PPP2R2D: variants seen among roughly 807,000 people sequenced by gnomAD.
PPP2R2D encodes serine/threonine-protein phosphatase 2A 55 kDa regulatory subunit B delta isoform.
In PPP2R2D, 9 loss-of-function variants were observed where a neutral mutation model predicts 31.1. The ratio of observed to expected loss-of-function variants is 0.29; its 90% CI spans 0.17 to 0.51. The LOEUF is 0.51. PPP2R2D is among the 20% of genes least tolerant of loss of function. PPP2R2D has a pLI of 0.98. For missense variants in PPP2R2D, 391 were observed against 465.6 expected, an observed-to-expected ratio of 0.84 and a Z score of 1.48; for synonymous variants, 179 against 172.6, an observed-to-expected ratio of 1.04 and a Z score of -0.29.
intron 2 of PPP2R2D, among the ~76,000 whole-genome samples, chr10:131,922,343 A>G (rs530380340): frequency 1.3e-5 from 2 of 152,350 alleles, no homozygotes; most frequent in African/African-American, 4.8e-5. Flanking sequence ...CTCATCACAA[A>G]AAGGAGTTAT....
chr10:131,957,391 C>A lies in PPP2R2D; in HGVS notation c.*1428C>A. ...GAGATGGAGGTGTGTGCTGCTCCCT[C>A]GTGCCCCTGTGGAGATGGAGGTGTG... is the stretch of plus-strand genomic sequence containing the variant. On this transcript the variant is annotated 3_prime_UTR_variant, in exon 9 of 9. Coordinates refer to ENST00000455566, the MANE Select transcript of PPP2R2D (RefSeq NM_018461.5). 1 of 208,526 alleles carries A rather than the reference C, an allele frequency of 4.8e-6. No individual in the cohort carries two copies. Among genetic ancestry groups the A allele is most frequent in the South Asian group, 5.6e-5 (1 of 17,866 alleles). 12.9% of individuals were successfully genotyped at this position (208,526 alleles called of 1,614,324 possible). A position where few individuals can be genotyped will look rare whatever the true frequency, so the allele number is the denominator to read the frequency against.
At chr10:131,948,256 T>C (rs556658603) in intron 8 of PPP2R2D, among the ~76,000 whole-genome samples, 1 of 152,308 alleles carries the variant, frequency 6.6e-6, no homozygotes, top group East Asian at 1.9e-4. Flanking sequence ...ACCAATGTAA[T>C]TTATAATGTG....
At chr10:131,941,738 T>C (rs2036445740) in intron 5 of PPP2R2D, among the ~76,000 whole-genome samples, 1 of 152,154 alleles carries the variant, frequency 6.6e-6, no homozygotes, top group Non-Finnish European at 1.5e-5. Context: ...GGGAGTGATG[T>C]TGGGTCTGTT....
intron 8 of PPP2R2D, among the ~76,000 whole-genome samples, chr10:131,949,788 C>G (rs2036607183): frequency 8.0e-6 from 1 of 124,740 alleles, no homozygotes; most frequent in Non-Finnish European, 1.7e-5. Flanking sequence ...CAGAGAACAT[C>G]TAGAAATGAC....
At chr10:131,932,582 A>G (rs2119819706) in intron 2 of PPP2R2D, among the ~76,000 whole-genome samples, 1 of 140,706 alleles carries the variant, frequency 7.1e-6, no homozygotes, top group Admixed American at 8.0e-5. Context: ...CATGAGAATC[A>G]CTTGCACCCT....
rs79200198 is a variant in PPP2R2D at position 131,915,139 on chromosome 10, G to C, written c.100+13809G>C. Among the ~76,000 whole-genome samples the C allele has an allele frequency of 7.6e-4, 115 of 151,654 alleles. 1 individual carries two copies. In the East Asian group the frequency reaches 0.021, roughly 27 times the overall value. ...CTGTTCCAGAATCTAGAATGGCGAA[G>C]TAGTATCCCTAAAAGAGTATTCATT... On this transcript the variant is annotated intron_variant, in intron 2 of 8. Coordinates refer to ENST00000455566, the MANE Select transcript of PPP2R2D (RefSeq NM_018461.5).
chr10:131,920,347 C>A (rs2035955528), intron 2 of PPP2R2D, among the ~76,000 whole-genome samples: 1 of 136,844 alleles, frequency 7.3e-6, no homozygotes, highest in Non-Finnish European at 1.5e-5. Context: ...AGTGTAGGGA[C>A]CTCAGGCAGG....
chr10:131,947,798 C>A lies in PPP2R2D; in HGVS notation c.1082+7C>A. On this transcript the variant is annotated splice_region_variant and intron_variant, in intron 8 of 8. Coordinates refer to ENST00000455566, the MANE Select transcript of PPP2R2D (RefSeq NM_018461.5). The surrounding 1 kb of genome is among the most constrained non-coding windows in gnomAD (Gnocchi z 4.3). ...GCTGGAACGGTTCGGATAGGTAAGG[C>A]CTGCGTGGAGATGAGCTGTCGCCCC... The A allele has an allele frequency of 6.2e-7, 1 of 1,608,932 alleles. No homozygotes were observed. The highest frequency in any genetic ancestry group is 1.3e-5 in the African/African-American group (1 of 74,966).
At position 131,959,801 on chromosome 10, in the gene PPP2R2D, A is replaced by C. The variant is rs2036898184; in HGVS notation, c.*3838A>C. ...ATATATTTGTTCAACTATTTTGACC[A>C]AAAAGTTCAATAAATTTTAAATGTT... On this transcript the variant is annotated 3_prime_UTR_variant, in exon 9 of 9. Transcript: ENST00000455566. The C allele has an allele frequency of 6.6e-6, 1 of 152,236 alleles. No individual in the cohort carries two copies. Among genetic ancestry groups the C allele is most frequent in the Non-Finnish European group, 1.5e-5 (1 of 68,048 alleles). 9.4% of individuals were successfully genotyped at this position (152,236 alleles called of 1,614,324 possible). A position where few individuals can be genotyped will look rare whatever the true frequency, so the allele number is the denominator to read the frequency against.
chr10:131,951,915 A>T lies in PPP2R2D; in HGVS notation c.1083-3769A>T, dbSNP rs553609561. On this transcript the variant is annotated intron_variant, in intron 8 of 8. Transcript: ENST00000455566. ...AGTGAGGACCCCAACTGGGGATGGGATAGGAGACCATCTTTCTTTCCAGAG... is the reference window on the plus strand; with the variant it reads ...AGTGAGGACCCCAACTGGGGATGGGTTAGGAGACCATCTTTCTTTCCAGAG... Among the ~76,000 whole-genome samples, 404 of 152,348 alleles carry T rather than the reference A, an allele frequency of 2.7e-3. 5 individuals carry two copies. The highest frequency in any genetic ancestry group is 9.2e-3 in the African/African-American group (381 of 41,588).
the PPP2R2D span, chr10:131,966,795 C>T: frequency 6.6e-6 from 1 of 152,196 alleles, no homozygotes; most frequent in Non-Finnish European, 1.5e-5. Flanking sequence ...TGTGATCCTC[C>T]TACCTCAGCC....
At chr10:131,946,471 G>A (rs67888563) in intron 7 of PPP2R2D, among the ~76,000 whole-genome samples, 16,628 of 152,168 alleles carry the variant, frequency 0.11, 989 homozygotes, top group Non-Finnish European at 0.14. Flanking sequence ...ATGTGCCCAT[G>A]GACCGTGTGC....
intron 2 of PPP2R2D, among the ~76,000 whole-genome samples, chr10:131,925,746 G>T (rs556017679): frequency 1.3e-5 from 2 of 152,066 alleles, no homozygotes; most frequent in African/African-American, 2.4e-5. Context: ...TTAGGCATGC[G>T]GATACATTGA....
intron 2 of PPP2R2D, among the ~76,000 whole-genome samples, chr10:131,928,427 C>T (rs1554895231): frequency 6.6e-6 from 1 of 152,210 alleles, no homozygotes; most frequent in Non-Finnish European, 1.5e-5. Context: ...TGTCAGGGAT[C>T]CCTTTTGTTT....
intron 2 of PPP2R2D, among the ~76,000 whole-genome samples, chr10:131,921,128 G>C (rs1554894189): frequency 6.6e-6 from 1 of 152,204 alleles, no homozygotes; most frequent in Non-Finnish European, 1.5e-5. Flanking sequence ...TCAGAGTGAT[G>C]ATCGTTTCTG....
chr10:131,929,425 A>T (rs1399597167), intron 2 of PPP2R2D, among the ~76,000 whole-genome samples: 1 of 152,172 alleles, frequency 6.6e-6, no homozygotes, highest in Non-Finnish European at 1.5e-5. Flanking sequence ...AGCCACTCAG[A>T]TGTAGGAGCA....
At position 131,958,502 on chromosome 10, in the gene PPP2R2D, G is replaced by A. The variant is rs868974973; in HGVS notation, c.*2539G>A. On this transcript the variant is annotated 3_prime_UTR_variant, in exon 9 of 9. Coordinates refer to ENST00000455566, the MANE Select transcript of PPP2R2D (RefSeq NM_018461.5). ...AGATGAAGGGGTATGCTGATCCCCC[G>A]TCCCCCTGTGGAGATGAAGGTGTGT... 396 of 136,068 alleles carry A rather than the reference G, an allele frequency of 2.9e-3. 1 individual carries two copies. Among genetic ancestry groups the A allele is most frequent in the African/African-American group, 7.9e-3 (233 of 29,402 alleles). 8.4% of individuals were successfully genotyped at this position (136,068 alleles called of 1,614,324 possible). A position where few individuals can be genotyped will look rare whatever the true frequency, so the allele number is the denominator to read the frequency against.
downstream of PPP2R2D, among the ~76,000 whole-genome samples, chr10:131,960,572 C>T (rs1165914290): frequency 6.6e-6 from 1 of 152,124 alleles, no homozygotes; most frequent in Non-Finnish European, 1.5e-5. Context: ...CAAATCATCA[C>T]CATCAGTGCC....
the PPP2R2D span, among the ~76,000 whole-genome samples, chr10:131,965,955 T>C: frequency 4.0e-3 from 617 of 152,352 alleles, 5 homozygotes; most frequent in African/African-American, 0.014. Flanking sequence ...CGAGTCTCTA[T>C]GCGTGGGCAC....
Sources: allele counts gnomAD v4.1 joint callset (sites outside exome capture counted in the v4.1 genomes callset), GRCh38; gene constraint gnomAD v4.1.1; non-coding constraint Gnocchi (gnomAD v3.1); transcripts MANE v1.5; gene names NCBI Gene and HGNC (gene_info 2026-07-23, HGNC 2026-07-21).